The following RHOT1 variants were observed in gnomAD, a reference collection of about 807,000 sequenced individuals.
RHOT1 encodes mitochondrial Rho GTPase 1.
A neutral mutation model predicts 95.3 loss-of-function variants in RHOT1; 27 were observed. The observed-to-expected ratio is 0.28, with a 90% confidence interval of 0.21 to 0.39. RHOT1 has a LOEUF of 0.39. Ranked by LOEUF, RHOT1 falls within the 10% of genes least tolerant of loss-of-function variation. RHOT1 has a pLI of 1.00. For synonymous variants in RHOT1, 227 were observed against 263.5 expected (o/e 0.86, Z 1.34); for missense variants, 578 against 786.7 (o/e 0.73, Z 3.17).
intron 1 of RHOT1, among the ~76,000 whole-genome samples, chr17:32,146,150 C>T (rs2031296881): frequency 1.3e-5 from 2 of 152,194 alleles, no homozygotes; most frequent in South Asian, 4.1e-4. Context: ...CTTCATTGCT[C>T]TCTCTATAAG....
At chr17:32,175,448 T>G in intron 4 of RHOT1, 86 bp downstream of exon 4, 2 of 1,297,266 alleles carry the variant, frequency 1.5e-6, no homozygotes, top group Admixed American at 1.7e-5. Context: ...TCTCTTTGTT[T>G]GTTGGTTTTT....
Position 32,201,074 on chromosome 17 carries a change from G to C in RHOT1, c.1201+18G>C, listed in dbSNP as rs1376085247. 8.5e-6 allele frequency: 12 copies of C among 1,404,198 alleles called. No homozygotes were observed. Among genetic ancestry groups the C allele is most frequent in the South Asian group, 2.4e-5 (2 of 81,652 alleles). 87.0% of individuals were successfully genotyped at this position (1,404,198 alleles called of 1,614,324 possible). A position where few individuals can be genotyped will look rare whatever the true frequency, so the allele number is the denominator to read the frequency against. On this transcript the variant is annotated intron_variant, in intron 14 of 19. Coordinates refer to ENST00000545287, the MANE Select transcript of RHOT1 (RefSeq NM_001033566.3). ...TGTTACAGGTAAGTATCTAGATACT[G>C]TTCAGCTCATGATTAGAGATATTTT...
At chr17:32,190,038 T>C (rs1161487692) in intron 8 of RHOT1, among the ~76,000 whole-genome samples, 1 of 152,168 alleles carries the variant, frequency 6.6e-6, no homozygotes, top group East Asian at 1.9e-4. Context: ...CTTTATTAAG[T>C]AGAATTTTTA....
At chr17:32,203,741 T>A in intron 15 of RHOT1, 149 bp from the exon 16 acceptor site, 1 of 583,732 alleles carries the variant, frequency 1.7e-6, no homozygotes, top group Non-Finnish European at 3.0e-6. Context: ...AAACATAAAA[T>A]CAATATCTCC....
chr17:32,210,838 A>T (rs1303895171), intron 18 of RHOT1, among the ~76,000 whole-genome samples: 1 of 152,152 alleles, frequency 6.6e-6, no homozygotes, highest in African/African-American at 2.4e-5. Context: ...ACAAAAATTC[A>T]TGTAATAATA....
chr17:32,224,375 T>C (rs2039017481), intron 19 of RHOT1, among the ~76,000 whole-genome samples: 1 of 152,218 alleles, frequency 6.6e-6, no homozygotes, highest in South Asian at 2.1e-4. Flanking sequence ...CAAATTTAGA[T>C]GTCTACTCCC....
At chr17:32,222,627 A>G (rs2038901987) in intron 19 of RHOT1, among the ~76,000 whole-genome samples, 1 of 152,184 alleles carries the variant, frequency 6.6e-6, no homozygotes, top group Non-Finnish European at 1.5e-5. Flanking sequence ...TTAAATATAG[A>G]AAACATGAGA....
chr17:32,199,625 T>G (rs1398891289), intron 13 of RHOT1, 75 bp downstream of exon 13: 2 of 1,286,718 alleles, frequency 1.6e-6, no homozygotes, highest in Admixed American at 5.5e-5. Flanking sequence ...TTTGTCACTT[T>G]GTAAGCTTGT....
At chr17:32,192,006 A>G (rs889582392) in intron 8 of RHOT1, among the ~76,000 whole-genome samples, 195 bp from the exon 9 acceptor site, 3 of 152,226 alleles carry the variant, frequency 2.0e-5, no homozygotes, top group Non-Finnish European at 2.9e-5. Flanking sequence ...GAGCTTGACC[A>G]TTCCAAATAT....
At chr17:32,218,096 C>T (rs895930529) in intron 19 of RHOT1, among the ~76,000 whole-genome samples, 14 of 151,964 alleles carry the variant, frequency 9.2e-5, no homozygotes, top group Admixed American at 4.6e-4. Flanking sequence ...CTCCTAACCT[C>T]ATGTGATCTG....
intron 1 of RHOT1, among the ~76,000 whole-genome samples, chr17:32,164,303 G>C (rs188538269): frequency 4.0e-5 from 6 of 151,680 alleles, no homozygotes; most frequent in Non-Finnish European, 7.4e-5. Context: ...GCGCCGTCTT[G>C]GCTCACTGCA....
chr17:32,196,414 T>G (rs1472751767), intron 11 of RHOT1, among the ~76,000 whole-genome samples: 2 of 152,040 alleles, frequency 1.3e-5, no homozygotes, highest in Admixed American at 1.3e-4. Flanking sequence ...CTGGTTTCTG[T>G]CTTTCAGGCT....
At chr17:32,208,450 A>ATTTACTCAAATTT in intron 18 of RHOT1, 141 bp downstream of exon 18, 1 of 790,044 alleles carries the variant, frequency 1.3e-6, no homozygotes. Context: ...TACAAATTTG[A>ATTTACTCAAATTT]GTAAATGCAA....
At chr17:32,150,675 A>C in intron 1 of RHOT1, 1 of 1,598,654 alleles carries the variant, frequency 6.3e-7, no homozygotes, top group Non-Finnish European at 8.6e-7. Flanking sequence ...CAGGAAGATT[A>C]TACAGTTCTA....
chr17:32,202,809 C>T lies in RHOT1; in HGVS notation c.1241C>T (p.Thr414Ile). 6.2e-7 allele frequency: 1 copy of T among 1,606,912 alleles called. No homozygotes were observed. Among genetic ancestry groups the T allele is most frequent in the Non-Finnish European group, 8.5e-7 (1 of 1,175,758 alleles). ...AAGATAGACCTGCAGAAAAAACAAA[C>T]TCAAAGAAATGTGTTCAGATGTAAT... ...DKKIDLQKKQ[T>I]QRNVFRCNVI... Residue 414 changes from threonine (T) to isoleucine (I), a missense_variant, in exon 15 of 20, where the codon ACT becomes ATT. Physicochemically the swap from Thr to Ile is moderately conservative, Grantham distance 89. Transcript: ENST00000545287.
chr17:32,189,126 G>A (rs557138501), intron 8 of RHOT1, among the ~76,000 whole-genome samples: 7 of 152,234 alleles, frequency 4.6e-5, no homozygotes, highest in South Asian at 4.1e-4. Context: ...GTGAAACCCC[G>A]TCTCTACTAA....
chr17:32,172,077 CATT>C (rs2034621351), intron 2 of RHOT1, among the ~76,000 whole-genome samples: 1 of 152,160 alleles, frequency 6.6e-6, no homozygotes, highest in Non-Finnish European at 1.5e-5. Flanking sequence ...TAGTAGGTAT[CATT>C]AGTGTCACAG....
chr17:32,210,097 T>A (rs2038024090), intron 18 of RHOT1, among the ~76,000 whole-genome samples: 1 of 152,114 alleles, frequency 6.6e-6, no homozygotes, highest in South Asian at 2.1e-4. Context: ...TCAGATCTCA[T>A]AAGCTAAGCC....
chr17:32,177,298 T>C (rs2035083255), intron 6 of RHOT1, among the ~76,000 whole-genome samples: 1 of 152,222 alleles, frequency 6.6e-6, no homozygotes. Flanking sequence ...CATAGCCACA[T>C]GTGACTAATG....
Sources: gnomAD v4.1 joint callset for allele counts (sites outside exome capture counted in the v4.1 genomes callset) on GRCh38, gnomAD v4.1.1 for gene constraint, MANE v1.5 for transcripts, NCBI Gene and HGNC (gene_info 2026-07-23, HGNC 2026-07-21) for gene names.